Variants in ATXN10 observed in about 807,000 individuals in gnomAD.
ATXN10 encodes the protein ataxin 10.
In ATXN10, 28 loss-of-function variants were observed where a neutral mutation model predicts 52.9. The ratio of observed to expected loss-of-function variants is 0.53; its 90% CI spans 0.39 to 0.73. The LOEUF (loss-of-function observed/expected upper bound fraction) is 0.73, where lower values mean the gene tolerates loss of function less well. Ranked by LOEUF, ATXN10 falls within the 30% of genes least tolerant of loss-of-function variation. The pLI, the probability that ATXN10 is intolerant of heterozygous loss-of-function variation, is 0.00. For missense variants in ATXN10, 565 were observed against 577.0 expected, an observed-to-expected ratio of 0.98 and a Z score of 0.21; for synonymous variants, 226 against 221.5, an observed-to-expected ratio of 1.02 and a Z score of -0.18.
chr22:45,793,537 C>A lies in ATXN10; in HGVS notation c.1174-13422C>A, dbSNP rs1381757519. ...TCACGATTCTCTTTAACAAATAATT[C>A]TGTCAAGCTCTTCAATCTTTCTGTG... is the stretch of plus-strand genomic sequence containing the variant. On this transcript the variant is annotated intron_variant, in intron 9 of 11. Transcript: ENST00000252934. 16 of 1,245,712 alleles carry A rather than the reference C, an allele frequency of 1.3e-5. No individual in the cohort carries two copies. In the African/African-American group the frequency reaches 2.0e-4, roughly 16 times the overall value. 77.2% of individuals were successfully genotyped at this position (1,245,712 alleles called of 1,614,324 possible).
At chr22:45,809,749 A>T (rs906032199) in intron 10 of ATXN10, among the ~76,000 whole-genome samples, 2 of 152,220 alleles carry the variant, frequency 1.3e-5, no homozygotes, top group Non-Finnish European at 2.9e-5. Context: ...GTCCTTGGTC[A>T]AACCTTTTGC....
Position 45,740,679 on chromosome 22 carries a change from TACACACACACACACAC to T in ATXN10, c.1173+167_1173+182del, listed in dbSNP as rs74268525. ...TAGAGAGATATATATTTTATATGAA[TACACACACACACACAC>T]ACACACACACACACACACACACACA... On this transcript the variant is annotated intron_variant, in intron 9 of 11. Transcript: ENST00000252934. 134 of 392,068 alleles carry T rather than the reference TACACACACACACACAC, an allele frequency of 3.4e-4. 2 individuals are homozygous for T. Among genetic ancestry groups the T allele is most frequent in the Middle Eastern group, 3.1e-3 (4 of 1,270 alleles). The allele number at this position is 392,068 out of a possible 1,614,324, so 24.3% of individuals were successfully genotyped here.
chr22:45,735,589 A>C (rs534350451), intron 7 of ATXN10, among the ~76,000 whole-genome samples: 1 of 152,218 alleles, frequency 6.6e-6, no homozygotes, highest in Admixed American at 6.5e-5. Flanking sequence ...AAACTGATCT[A>C]TCAACAAAGT....
rs1261445160 is a variant in ATXN10 at position 45,789,154 on chromosome 22, C to T, written c.1174-17805C>T. Among the ~76,000 whole-genome samples, 1 of 152,182 alleles carries T rather than the reference C, an allele frequency of 6.6e-6. No individual in the cohort carries two copies. Among genetic ancestry groups the T allele is most frequent in the African/African-American group, 2.4e-5 (1 of 41,448 alleles). ...TTCATGAGCTGAAAGGCTCACCTGA[C>T]CACCCCTCTAAAACAGTCTTTGGCC... On this transcript the variant is annotated intron_variant, in intron 9 of 11. Coordinates refer to ENST00000252934, the MANE Select transcript of ATXN10 (RefSeq NM_013236.4). This position sits in a 1 kb window ranked among gnomAD's most constrained non-coding sequence, Gnocchi z 4.0.
At chr22:45,792,072 G>A (rs1927532294) in intron 9 of ATXN10, among the ~76,000 whole-genome samples, 1 of 151,826 alleles carries the variant, frequency 6.6e-6, no homozygotes, top group Non-Finnish European at 1.5e-5. Flanking sequence ...TTTCTTCAAG[G>A]CAATTACCTT....
rs948796999 is a variant in ATXN10, at chr22:45,732,548, G to A, written c.894+2958G>A. On this transcript the variant is annotated intron_variant, in intron 7 of 11. Coordinates refer to ENST00000252934, the MANE Select transcript of ATXN10 (RefSeq NM_013236.4). The surrounding 1 kb of genome is among the most constrained non-coding windows in gnomAD (Gnocchi z 4.5). ...TTATTGAGCTATACATTTATGACTT[G>A]TGCGTATTAATGCACATATGTCATA... is the stretch of plus-strand genomic sequence containing the variant. Among the ~76,000 whole-genome samples the A allele has an allele frequency of 6.6e-6, 1 of 151,570 alleles. No homozygotes were observed. Among genetic ancestry groups the A allele is most frequent in the African/African-American group, 2.4e-5 (1 of 41,266 alleles).
chr22:45,718,634 T>G lies in ATXN10; in HGVS notation c.728+141T>G. 1.2e-6 allele frequency: 1 copy of G among 842,980 alleles called. No homozygotes were observed. The highest frequency in any genetic ancestry group is 1.4e-5 in the South Asian group (1 of 71,252). 52.2% of individuals were successfully genotyped at this position (842,980 alleles called of 1,614,324 possible). On this transcript the variant is annotated intron_variant, in intron 6 of 11. Transcript: ENST00000252934. This position sits in a 1 kb window ranked among gnomAD's most constrained non-coding sequence, Gnocchi z 4.4. The stretch of plus-strand genomic sequence containing the variant: ...TTCTGTGTTGGTAATGGTTTTAAAT[T>G]GGTTGGTTAACATTACAGCTTAGCC...
intron 9 of ATXN10, among the ~76,000 whole-genome samples, chr22:45,804,207 C>T (rs1213600202): frequency 6.6e-6 from 1 of 152,178 alleles, no homozygotes; most frequent in East Asian, 1.9e-4. Flanking sequence ...CCTTGAATAG[C>T]ACTTATTAGG....
chr22:45,753,184 C>T (rs1926046810), intron 9 of ATXN10, among the ~76,000 whole-genome samples: 2 of 151,082 alleles, frequency 1.3e-5, no homozygotes, highest in South Asian at 4.2e-4. Context: ...AACCCCTCCC[C>T]TCCTCCTCTC....
chr22:45,781,016 T>C lies in ATXN10; in HGVS notation c.1174-25943T>C, dbSNP rs934411888. Reference sequence around the variant, plus strand: ...GAAGCTGTCAACCCAGAAACACCAATGGGTGCAGACCAGAAAGCCCTGAGG... The same window carrying C: ...GAAGCTGTCAACCCAGAAACACCAACGGGTGCAGACCAGAAAGCCCTGAGG... On this transcript the variant is annotated intron_variant, in intron 9 of 11. Coordinates refer to ENST00000252934, the MANE Select transcript of ATXN10 (RefSeq NM_013236.4). This position sits in a 1 kb window ranked among gnomAD's most constrained non-coding sequence, Gnocchi z 4.2. Among the ~76,000 whole-genome samples the C allele has an allele frequency of 2.0e-5, 3 of 152,150 alleles. No individual in the cohort carries two copies. Among genetic ancestry groups the C allele is most frequent in the Non-Finnish European group, 4.4e-5 (3 of 68,018 alleles).
In ATXN10 at chr22:45,690,552, T is replaced by C. The variant is rs1270463265; in HGVS notation, c.308+649T>C. Among the ~76,000 whole-genome samples the C allele has an allele frequency of 6.6e-6, 1 of 152,212 alleles. No individual in the cohort carries two copies. The highest frequency in any genetic ancestry group is 2.4e-5 in the African/African-American group (1 of 41,450). On this transcript the variant is annotated intron_variant, in intron 2 of 11. Coordinates refer to ENST00000252934, the MANE Select transcript of ATXN10 (RefSeq NM_013236.4). The surrounding 1 kb of genome is among the most constrained non-coding windows in gnomAD (Gnocchi z 4.5). ...TTTACCTGCCTAAGTTTATATGCAG[T>C]TCTTGACCTCAGGTTGTAAATGTTT... is the stretch of plus-strand genomic sequence containing the variant.
Position 45,718,400 on chromosome 22 carries a change from CT to C in ATXN10, c.648-7del. 6.2e-7 allele frequency: 1 copy of C among 1,609,036 alleles called. No homozygotes were observed. The highest frequency in any genetic ancestry group is 8.5e-7 in the Non-Finnish European group (1 of 1,175,482). ...TTTCAAGTAACCAAACTTTCCTCCTCTTTTTTCCCTAGGTTCTTGATTATTA... is the reference window on the plus strand; with the variant it reads ...TTTCAAGTAACCAAACTTTCCTCCTCTTTTTCCCTAGGTTCTTGATTATTA... On this transcript the variant is annotated splice_polypyrimidine_tract_variant and intron_variant, in intron 5 of 11. Coordinates refer to ENST00000252934, the MANE Select transcript of ATXN10 (RefSeq NM_013236.4). The surrounding 1 kb of genome is among the most constrained non-coding windows in gnomAD (Gnocchi z 4.4).
chr22:45,725,903 A>C (rs772970585), intron 6 of ATXN10, among the ~76,000 whole-genome samples: 1 of 152,074 alleles, frequency 6.6e-6, no homozygotes, highest in East Asian at 1.9e-4. Context: ...TTCTGCGTCT[A>C]TTGGGATGAT....
chr22:45,792,812 G>A (rs1927562310), intron 9 of ATXN10: 1 of 528,476 alleles, frequency 1.9e-6, no homozygotes, highest in Non-Finnish European at 3.8e-6. Flanking sequence ...TCTGTACTTT[G>A]AATAATGAGG....
intron 3 of ATXN10, among the ~76,000 whole-genome samples, chr22:45,698,192 C>T (rs1401743364): frequency 6.6e-6 from 1 of 152,086 alleles, no homozygotes; most frequent in African/African-American, 2.4e-5. Context: ...CATATGGTAA[C>T]TCTGCTTACC....
chr22:45,817,197 A>G (rs989031359), intron 10 of ATXN10, among the ~76,000 whole-genome samples: 6 of 151,938 alleles, frequency 3.9e-5, no homozygotes, highest in African/African-American at 9.7e-5. Flanking sequence ...GCTGATTTCT[A>G]CATTCTCAGG....
Position 45,835,722 on chromosome 22 carries a change from C to T in ATXN10, c.1238-7269C>T, listed in dbSNP as rs1197849662. 1.3e-5 allele frequency among the ~76,000 whole-genome samples: 2 copies of T among 152,150 alleles called. No homozygotes were observed. The highest frequency in any genetic ancestry group is 1.5e-5 in the Non-Finnish European group (1 of 68,024). ...TGTTGCTGAGATGGCTTTTTCCCTC[C>T]GGAAAGACTGAAACTGCTCTTTCTT... is the stretch of plus-strand genomic sequence containing the variant. On this transcript the variant is annotated intron_variant, in intron 10 of 11. Transcript: ENST00000252934. This position sits in a 1 kb window ranked among gnomAD's most constrained non-coding sequence, Gnocchi z 5.0.
intron 9 of ATXN10, among the ~76,000 whole-genome samples, chr22:45,791,413 T>C (rs1418950394): frequency 6.6e-6 from 1 of 152,196 alleles, no homozygotes; most frequent in Non-Finnish European, 1.5e-5. Flanking sequence ...AACTTTCCTT[T>C]ACCTATGACA....
Position 45,727,307 on chromosome 22 carries a change from TTCTG to T in ATXN10, c.729-2106_729-2103del, listed in dbSNP as rs1236331877. On this transcript the variant is annotated intron_variant, in intron 6 of 11. Transcript: ENST00000252934. This position sits in a 1 kb window ranked among gnomAD's most constrained non-coding sequence, Gnocchi z 4.6. The stretch of plus-strand genomic sequence containing the variant: ...TGGTCTGAGAAGATACTTGATATAG[TTCTG>T]TCTGTCTGTCTATCTATCTATATCT... Among the ~76,000 whole-genome samples the T allele has an allele frequency of 2.7e-5, 4 of 149,558 alleles. No homozygotes were observed. The highest frequency in any genetic ancestry group is 6.7e-5 in the Admixed American group (1 of 14,830).
Sources: gnomAD v4.1 joint callset for allele counts (sites outside exome capture counted in the v4.1 genomes callset) on GRCh38, gnomAD v4.1.1 for gene constraint, Gnocchi (gnomAD v3.1) non-coding constraint, MANE v1.5 for transcripts, NCBI Gene and HGNC (gene_info 2026-07-23, HGNC 2026-07-21) for gene names.